Variants in ATXN2 observed in about 807,000 individuals in gnomAD.
ATXN2 encodes the protein ataxin 2.
ATXN2 carries 37 observed loss-of-function variants against 138.6 expected under a neutral mutation model. The observed-to-expected ratio is 0.27, with a 90% CI of 0.21 to 0.35. The LOEUF (loss-of-function observed/expected upper bound fraction) is 0.35, where lower values mean the gene tolerates loss of function less well. ATXN2 is among the 10% of genes least tolerant of loss of function. The pLI, the probability that ATXN2 is intolerant of heterozygous loss-of-function variation, is 1.00. For synonymous variants in ATXN2, 549 were observed against 543.7 expected (o/e 1.01, Z -0.13); for missense variants, 1,216 against 1,480.3 (o/e 0.82, Z 2.93).
chr12:111,471,786 C>A (rs1472154953), intron 18 of ATXN2: 1 of 151,872 alleles, frequency 6.6e-6, no homozygotes, highest in African/African-American at 2.4e-5. Flanking sequence ...CTGAAAACTA[C>A]TTATCACTTT....
intron 1 of ATXN2, among the ~76,000 whole-genome samples, chr12:111,582,209 G>C (rs1279759228): frequency 6.6e-6 from 1 of 152,060 alleles, no homozygotes; most frequent in Admixed American, 6.6e-5. Context: ...TTTGGGAGGC[G>C]AAGGCGGGCA....
At chr12:111,569,518 C>T (rs972011892) in intron 1 of ATXN2, among the ~76,000 whole-genome samples, 1 of 152,162 alleles carries the variant, frequency 6.6e-6, no homozygotes, top group African/African-American at 2.4e-5. Flanking sequence ...GAATTTGAGA[C>T]CAGCCTGGAC....
At chr12:111,486,191 G>A (rs1401997837) in intron 16 of ATXN2, among the ~76,000 whole-genome samples, 1 of 152,140 alleles carries the variant, frequency 6.6e-6, no homozygotes, top group Admixed American at 6.5e-5. Context: ...TCATCTCTTA[G>A]TATCTGTGGG....
chr12:111,553,174 T>G (rs1882208092), intron 3 of ATXN2, among the ~76,000 whole-genome samples, 197 bp from the exon 4 acceptor site: 1 of 152,174 alleles, frequency 6.6e-6, no homozygotes, highest in South Asian at 2.1e-4. Context: ...ACTCAGAGTT[T>G]GCAGTACGAA....
intron 5 of ATXN2, among the ~76,000 whole-genome samples, chr12:111,525,591 A>G (rs1286566951): frequency 6.6e-6 from 1 of 152,254 alleles, no homozygotes; most frequent in African/African-American, 2.4e-5. Flanking sequence ...AGTATTCAGT[A>G]AAAGTATGCT....
intron 14 of ATXN2, among the ~76,000 whole-genome samples, chr12:111,498,784 C>T (rs561783333): frequency 3.3e-5 from 5 of 152,130 alleles, no homozygotes; most frequent in South Asian, 2.1e-4. Context: ...ATGAACAAAA[C>T]GGGAGGAATC....
intron 1 of ATXN2, among the ~76,000 whole-genome samples, chr12:111,557,644 T>C (rs1473494690): frequency 6.6e-6 from 1 of 152,220 alleles, no homozygotes; most frequent in Non-Finnish European, 1.5e-5. Flanking sequence ...GCAGTAGAGC[T>C]GGTATTTAAA....
chr12:111,517,813 T>C (rs1179899795), intron 9 of ATXN2, among the ~76,000 whole-genome samples: 3 of 152,206 alleles, frequency 2.0e-5, no homozygotes, highest in Admixed American at 1.3e-4. Context: ...GAAGTAAGCA[T>C]AATATAGAAA....
chr12:111,574,061 C>A (rs1394941569), intron 1 of ATXN2, among the ~76,000 whole-genome samples: 1 of 151,484 alleles, frequency 6.6e-6, no homozygotes, highest in Admixed American at 6.6e-5. Context: ...TTCAAGCCTG[C>A]AATCCCAGCA....
At chr12:111,591,364 T>TTAAAAAA (rs1555245682) in intron 1 of ATXN2, among the ~76,000 whole-genome samples, 5 of 151,714 alleles carry the variant, frequency 3.3e-5, no homozygotes, top group African/African-American at 1.2e-4. Context: ...AACTTAAAAT[T>TTAAAAAA]TAAAAATAAA....
At position 111,453,620 on chromosome 12, in the gene ATXN2, CT is replaced by C; in HGVS notation, c.3439+56del. On this transcript the variant is annotated intron_variant, in intron 24 of 24. Transcript: ENST00000673436. This position sits in a 1 kb window ranked among gnomAD's most constrained non-coding sequence, Gnocchi z 5.4. ...GCACTGGCCCTGCCTGCCATTCCAC[CT>C]GTGCGAGCAGAATGCTTTGGGGTGC... 1.0e-5 allele frequency: 15 copies of C among 1,477,192 alleles called. No individual in the cohort carries two copies. The highest frequency in any genetic ancestry group is 1.4e-5 in the Non-Finnish European group (15 of 1,110,380). 91.5% of individuals were successfully genotyped at this position (1,477,192 alleles called of 1,614,324 possible). A position where few individuals can be genotyped will look rare whatever the true frequency, so the allele number is the denominator to read the frequency against.
chr12:111,522,161 C>T (rs1326309469), intron 6 of ATXN2, among the ~76,000 whole-genome samples: 1 of 149,174 alleles, frequency 6.7e-6, no homozygotes, highest in Non-Finnish European at 1.5e-5. Context: ...TTTTGCCAAA[C>T]ACATGGGCAG....
intron 7 of ATXN2, 36 bp downstream of exon 7, chr12:111,520,844 CAA>C: frequency 8.5e-7 from 1 of 1,175,332 alleles, no homozygotes; most frequent in Middle Eastern, 2.0e-4. Flanking sequence ...AAATCAAAGA[CAA>C]ATGCACTAAA....
At chr12:111,468,688 T>A (rs1876197152) in intron 20 of ATXN2, 1 of 145,146 alleles carries the variant, frequency 6.9e-6, no homozygotes, top group Non-Finnish European at 1.5e-5. Flanking sequence ...GCCAGAAATC[T>A]GTAAATTCTT....
intron 1 of ATXN2, among the ~76,000 whole-genome samples, chr12:111,559,931 T>G (rs906685367): frequency 1.3e-5 from 2 of 152,192 alleles, no homozygotes; most frequent in African/African-American, 4.8e-5. Context: ...AAAGAGTTAA[T>G]GATGCTTTCA....
intron 5 of ATXN2, among the ~76,000 whole-genome samples, chr12:111,528,826 G>A (rs1418250627): frequency 6.6e-6 from 1 of 152,146 alleles, no homozygotes; most frequent in Non-Finnish European, 1.5e-5. Flanking sequence ...TGCATTTCAG[G>A]CCAACATTGC....
intron 2 of ATXN2, among the ~76,000 whole-genome samples, chr12:111,554,988 A>G (rs1362141320): frequency 6.6e-6 from 1 of 152,172 alleles, no homozygotes; most frequent in Non-Finnish European, 1.5e-5. Context: ...TGATTCTTGT[A>G]AAACAATCTA....
At chr12:111,556,118 G>A (rs963122010) in intron 1 of ATXN2, among the ~76,000 whole-genome samples, 199 bp from the exon 2 acceptor site, 20 of 152,106 alleles carry the variant, frequency 1.3e-4, no homozygotes, top group Non-Finnish European at 2.5e-4. Context: ...ACAGGTAGGG[G>A]TCATAGAAGG....
At position 111,552,904 on chromosome 12, in the gene ATXN2, A is replaced by G; in HGVS notation, c.420+2T>C. On this transcript the variant is annotated splice_donor_variant, in intron 4 of 24. Transcript: ENST00000673436. LOFTEE classifies it high-confidence loss of function. This position sits in a 1 kb window ranked among gnomAD's most constrained non-coding sequence, Gnocchi z 4.1. ...AAGAAAAAGAAAAAAAGTAAAAATTACCTTCGGACTGTAAGTTTTAAAAAC... is the reference window on the plus strand; with the variant it reads ...AAGAAAAAGAAAAAAAGTAAAAATTGCCTTCGGACTGTAAGTTTTAAAAAC... 1 of 1,535,276 alleles carries G rather than the reference A, an allele frequency of 6.5e-7. No homozygotes were observed. Among genetic ancestry groups the G allele is most frequent in the African/African-American group, 1.4e-5 (1 of 70,362 alleles).
Sources: allele counts gnomAD v4.1 joint callset (sites outside exome capture counted in the v4.1 genomes callset), GRCh38; gene constraint gnomAD v4.1.1; non-coding constraint Gnocchi (gnomAD v3.1); transcripts MANE v1.5; gene names NCBI Gene and HGNC (gene_info 2026-07-23, HGNC 2026-07-21).